Variants in MTDH observed in about 807,000 individuals in gnomAD.
MTDH encodes the protein metadherin, also known as protein LYRIC.
In MTDH, 34 loss-of-function variants were observed where a neutral mutation model predicts 72.7. That is an observed-to-expected ratio of 0.47 (90% CI 0.36 to 0.62). The LOEUF (loss-of-function observed/expected upper bound fraction) is 0.62. MTDH is among the 20% of genes least tolerant of loss of function. MTDH has a pLI of 0.00. For synonymous variants in MTDH, 266 were observed against 268.9 expected (o/e 0.99, Z 0.10); for missense variants, 677 against 699.4 (o/e 0.97, Z 0.36).
intron 1 of MTDH, among the ~76,000 whole-genome samples, chr8:97,647,200 G>A (rs1333368970): frequency 6.6e-6 from 1 of 152,160 alleles, no homozygotes; most frequent in Non-Finnish European, 1.5e-5. Flanking sequence ...GGGATACAAA[G>A]GTTAAAGCTC....
rs530210223 is a variant in MTDH, at chr8:97,657,055, T to G, written c.382-4017T>G. Reference sequence around the variant, plus strand: ...TTGACTAGTCTGCTATGTGGCCCCCTCTTACATTCCATTTTCCCCTGATAT... The same window carrying G: ...TTGACTAGTCTGCTATGTGGCCCCCGCTTACATTCCATTTTCCCCTGATAT... On this transcript the variant is annotated intron_variant, in intron 1 of 11. Transcript: ENST00000336273. 5.3e-5 allele frequency among the ~76,000 whole-genome samples: 8 copies of G among 152,136 alleles called. No individual in the cohort carries two copies. The South Asian group carries it at 1.2e-3, about 24-fold the overall frequency.
intron 5 of MTDH, among the ~76,000 whole-genome samples, chr8:97,690,561 ATT>A (rs1813558413): frequency 6.6e-6 from 1 of 152,196 alleles, no homozygotes; most frequent in Non-Finnish European, 1.5e-5. Context: ...TCCAGGGTCT[ATT>A]GTTAATAAAT....
At position 97,672,198 on chromosome 8, in the gene MTDH, T is replaced by A. The variant is rs529120925; in HGVS notation, c.483+11025T>A. Among the ~76,000 whole-genome samples the A allele has an allele frequency of 2.0e-5, 3 of 152,368 alleles. No homozygotes were observed. The East Asian group carries it at 5.8e-4, about 29-fold the overall frequency. On this transcript the variant is annotated intron_variant, in intron 2 of 11. Transcript: ENST00000336273. ...AAACACAGCCACACTTATTTATTTA[T>A]CATTGGCAGTTTTTTACTATAGCAG...
rs868278210 is a variant in MTDH, at chr8:97,682,258, A to T, written c.484-4410A>T. Among the ~76,000 whole-genome samples the T allele has an allele frequency of 2.7e-3, 14 of 5,282 alleles. No individual in the cohort carries two copies. The East Asian group carries it at 0.062, about 24-fold the overall frequency. 3.5% of individuals were successfully genotyped at this position (5,282 alleles called of 152,430 possible). On this transcript the variant is annotated intron_variant, in intron 2 of 11. Coordinates refer to ENST00000336273, the MANE Select transcript of MTDH (RefSeq NM_178812.4). ...TATATATATATATATATATATATATATATATATATATATATATATATATTT... is the reference window on the plus strand; with the variant it reads ...TATATATATATATATATATATATATTTATATATATATATATATATATATTT...
intron 1 of MTDH, among the ~76,000 whole-genome samples, chr8:97,650,108 C>G (rs56188629): frequency 0.031 from 4,658 of 151,952 alleles, 93 homozygotes; most frequent in Non-Finnish European, 0.047. Context: ...AGGCGCCCAC[C>G]ACCATGCCCA....
chr8:97,644,348 C>A lies in MTDH; in HGVS notation c.-159C>A. On this transcript the variant is annotated 5_prime_UTR_variant, in exon 1 of 12. Transcript: ENST00000336273. The stretch of plus-strand genomic sequence containing the variant: ...ACCTGGGAGACCCCTCCGCCCTCCC[C>A]GCGGTGGCAGCGGCCGATCCCCGGC... 1.0e-6 allele frequency: 1 copy of A among 985,022 alleles called. No homozygotes were observed. The highest frequency in any genetic ancestry group is 1.4e-6 in the Non-Finnish European group (1 of 708,500). The allele number at this position is 985,022 out of a possible 1,614,324, so 61.0% of individuals were successfully genotyped here.
At position 97,644,271 on chromosome 8, in the gene MTDH, C is replaced by T. The variant is rs1000157366; in HGVS notation, c.-236C>T. On this transcript the variant is annotated 5_prime_UTR_variant, in exon 1 of 12. Transcript: ENST00000336273. ...TAGCGGCCGCCACTGGAGACACTCC[C>T]TCCCGCCTCCCGGGTCTCCTGGCGG... 13 of 545,610 alleles carry T rather than the reference C, an allele frequency of 2.4e-5. No homozygotes were observed. Among genetic ancestry groups the T allele is most frequent in the Non-Finnish European group, 3.4e-5 (11 of 321,004 alleles). 33.8% of individuals were successfully genotyped at this position (545,610 alleles called of 1,614,324 possible). A position where few individuals can be genotyped will look rare whatever the true frequency, so the allele number is the denominator to read the frequency against.
intron 1 of MTDH, among the ~76,000 whole-genome samples, chr8:97,655,911 C>G (rs1424710444): frequency 6.6e-6 from 1 of 152,138 alleles, no homozygotes; most frequent in Non-Finnish European, 1.5e-5. Context: ...ATATATTTTT[C>G]TCATATTTAC....
chr8:97,705,806 G>C (rs763257698), intron 7 of MTDH, among the ~76,000 whole-genome samples: 5 of 152,160 alleles, frequency 3.3e-5, no homozygotes, highest in Admixed American at 6.5e-5. Context: ...TATATGATGT[G>C]CAGGGAGAGA....
Position 97,706,744 on chromosome 8 carries a change from T to C in MTDH, c.1266T>C (p.Asp422=), listed in dbSNP as rs1563561370. 6.2e-7 allele frequency: 1 copy of C among 1,613,050 alleles called. No homozygotes were observed. The highest frequency in any genetic ancestry group is 2.2e-5 in the East Asian group (1 of 44,844). The change falls in exon 8 of 12, where the codon GAT becomes GAC. Residue 422 remains aspartate (D), a synonymous_variant. Coordinates refer to ENST00000336273, the MANE Select transcript of MTDH (RefSeq NM_178812.4). ...AGTCCCAGGAACCAATTCCTGATGA[T>C]CAAAAGGTGAGTATAAGAGATTCCT... ...LLKSQEPIPD[D]QKVSDDDKEK...
chr8:97,644,969 G>A, intron 1 of MTDH, 82 bp downstream of exon 1: 1 of 1,432,212 alleles, frequency 7.0e-7, no homozygotes, highest in Non-Finnish European at 9.2e-7. Context: ...CCGCGCCCCA[G>A]CCGGGAAGGA....
chr8:97,665,680 A>G (rs947750752), intron 2 of MTDH, among the ~76,000 whole-genome samples: 1 of 152,216 alleles, frequency 6.6e-6, no homozygotes, highest in Non-Finnish European at 1.5e-5. Context: ...ACAACCTGAC[A>G]TTATTTAGAT....
At chr8:97,648,436 AT>A (rs1811643326) in intron 1 of MTDH, among the ~76,000 whole-genome samples, 1 of 152,120 alleles carries the variant, frequency 6.6e-6, no homozygotes, top group African/African-American at 2.4e-5. Flanking sequence ...GTCTGTAACA[AT>A]TGGCTTTGAA....
At chr8:97,714,162 G>C (rs568207721) in intron 9 of MTDH, among the ~76,000 whole-genome samples, 1 of 152,158 alleles carries the variant, frequency 6.6e-6, no homozygotes, top group African/African-American at 2.4e-5. Context: ...CTTTGAGTTT[G>C]CTGGTTATTT....
chr8:97,716,371 A>C (rs770851905), intron 9 of MTDH, among the ~76,000 whole-genome samples: 31 of 146,304 alleles, frequency 2.1e-4, no homozygotes, highest in Non-Finnish European at 4.5e-4. Context: ...GGGCAACAAG[A>C]GTGAAACTCC....
chr8:97,660,940 G>A (rs1246223116), intron 1 of MTDH, 132 bp from the exon 2 acceptor site: 5 of 479,020 alleles, frequency 1.0e-5, no homozygotes, highest in African/African-American at 7.7e-5. Flanking sequence ...GATAACATTG[G>A]TGTACAAAAA....
rs1457070915 is a variant in MTDH, at chr8:97,700,098, GTT to G, written c.1147+250_1147+251del. ...TTCTAGTTGCTCTGTAGTATTTCTAGTTTTTAAATTTTTTGTTTTAAATGAAT... is the reference window on the plus strand; with the variant it reads ...TTCTAGTTGCTCTGTAGTATTTCTAGTTTAAATTTTTTGTTTTAAATGAAT... On this transcript the variant is annotated intron_variant, in intron 7 of 11. Transcript: ENST00000336273. Among the ~76,000 whole-genome samples, 4 of 152,130 alleles carry G rather than the reference GTT, an allele frequency of 2.6e-5. No individual in the cohort carries two copies. The East Asian group carries it at 5.8e-4, about 22-fold the overall frequency.
intron 2 of MTDH, among the ~76,000 whole-genome samples, chr8:97,673,865 C>T (rs1812733696): frequency 6.6e-6 from 1 of 151,990 alleles, no homozygotes. Context: ...TTCCCAGCTA[C>T]TTGGGAGGCT....
intron 2 of MTDH, among the ~76,000 whole-genome samples, chr8:97,670,241 C>T (rs552231427): frequency 5.6e-4 from 85 of 152,208 alleles, no homozygotes; most frequent in Admixed American, 5.2e-4. Context: ...ACTTGAACTC[C>T]GGAGGCGGAG....
Sources: gnomAD v4.1 joint callset for allele counts (sites outside exome capture counted in the v4.1 genomes callset) on GRCh38, gnomAD v4.1.1 for gene constraint, MANE v1.5 for transcripts, NCBI Gene and HGNC (gene_info 2026-07-23, HGNC 2026-07-21) for gene names.